Variants in PCCA observed in about 807,000 individuals in gnomAD.
PCCA encodes the protein propionyl-CoA carboxylase subunit alpha, also known as propionyl-CoA carboxylase alpha chain, mitochondrial.
In PCCA, 74 loss-of-function variants were observed where a neutral mutation model predicts 101.3. The ratio of observed to expected loss-of-function variants is 0.73; its 90% CI spans 0.61 to 0.89. The LOEUF (loss-of-function observed/expected upper bound fraction) is 0.89, where lower values mean the gene tolerates loss of function less well. PCCA is among the 40% of genes least tolerant of loss of function. The pLI, the probability that PCCA is intolerant of heterozygous loss-of-function variation, is 0.00. For missense variants in PCCA, 891 were observed against 907.0 expected (o/e 0.98, Z 0.23); for synonymous variants, 294 against 313.6 (o/e 0.94, Z 0.66).
intron 8 of PCCA, among the ~76,000 whole-genome samples, chr13:100,250,786 TTTAGGTTAAGGCCTTTTAGGC>T (rs1484430488): frequency 6.6e-6 from 1 of 152,258 alleles, no homozygotes; most frequent in Non-Finnish European, 1.5e-5. Flanking sequence ...ATTAATTTTG[TTTAGGTTAAGGCCTTTTAGGC>T]TTTAAAAAAG....
At chr13:100,090,467 G>A (rs951379973) in intron 1 of PCCA, among the ~76,000 whole-genome samples, 1 of 152,184 alleles carries the variant, frequency 6.6e-6, no homozygotes, top group South Asian at 2.1e-4. Context: ...GGGGTCAGGC[G>A]CATGAGGCTT....
chr13:100,498,673 A>G (rs9513760), intron 21 of PCCA, among the ~76,000 whole-genome samples: 71,178 of 151,644 alleles, frequency 0.47, 17,595 homozygotes, highest in East Asian at 0.83. Context: ...CACCTCCCCC[A>G]GCAACCCCTA....
At chr13:100,098,485 G>T (rs947135782) in intron 1 of PCCA, among the ~76,000 whole-genome samples, 1 of 152,186 alleles carries the variant, frequency 6.6e-6, no homozygotes, top group Non-Finnish European at 1.5e-5. Flanking sequence ...TTTGAATGCA[G>T]TGTTAGTCAG....
chr13:100,338,621 G>A (rs879287177), intron 17 of PCCA, among the ~76,000 whole-genome samples: 1 of 150,710 alleles, frequency 6.6e-6, no homozygotes, highest in Non-Finnish European at 1.5e-5. Flanking sequence ...CATATGGGAT[G>A]TTTTCATCAC....
chr13:100,428,343 C>T (rs1370832429), intron 20 of PCCA, among the ~76,000 whole-genome samples: 4 of 138,748 alleles, frequency 2.9e-5, no homozygotes, highest in East Asian at 2.2e-4. Context: ...ACCCCCCACC[C>T]CCACCCCCAC....
chr13:100,255,721 G>A (rs1214485322), intron 8 of PCCA, among the ~76,000 whole-genome samples: 1 of 152,062 alleles, frequency 6.6e-6, no homozygotes, highest in East Asian at 1.9e-4. Context: ...ATTATTTTAT[G>A]CTTGTTATTG....
intron 20 of PCCA, among the ~76,000 whole-genome samples, chr13:100,437,997 T>G (rs142143489): frequency 3.2e-4 from 49 of 152,254 alleles, no homozygotes; most frequent in African/African-American, 1.0e-3. Context: ...AGTAGTCATA[T>G]TAAAAAAGAT....
intron 6 of PCCA, among the ~76,000 whole-genome samples, chr13:100,205,254 A>T (rs1332743518): frequency 6.6e-6 from 1 of 152,318 alleles, no homozygotes; most frequent in South Asian, 2.1e-4. Flanking sequence ...CTGGTCAAGA[A>T]CTGAAAACAT....
At chr13:100,170,808 T>C (rs1230323122) in intron 6 of PCCA, among the ~76,000 whole-genome samples, 2 of 152,204 alleles carry the variant, frequency 1.3e-5, no homozygotes, top group Admixed American at 1.3e-4. Flanking sequence ...AGAAAATATA[T>C]TGGATGTAAA....
intron 21 of PCCA, among the ~76,000 whole-genome samples, chr13:100,458,294 TAC>T (rs57961819): frequency 0.064 from 5,527 of 85,882 alleles, 311 homozygotes; most frequent in East Asian, 0.11. Flanking sequence ...ACCCCATCTC[TAC>T]ACACACACAC....
intron 20 of PCCA, among the ~76,000 whole-genome samples, chr13:100,440,820 G>A (rs1246154191): frequency 3.3e-5 from 5 of 151,978 alleles, no homozygotes; most frequent in African/African-American, 7.3e-5. Flanking sequence ...GGTATTTTTC[G>A]AATGAAGTAG....
chr13:100,360,938 T>G (rs778073045), intron 18 of PCCA, among the ~76,000 whole-genome samples: 11 of 152,170 alleles, frequency 7.2e-5, no homozygotes, highest in Non-Finnish European at 1.5e-4. Flanking sequence ...AACTGGTATG[T>G]CCGTACAATG....
In PCCA at chr13:100,419,530, A is replaced by G. The variant is rs183621431; in HGVS notation, c.1747-6103A>G. On this transcript the variant is annotated intron_variant, in intron 19 of 23. Transcript: ENST00000376285. ...GAAGATTTGTGATTTTTCACAATAC[A>G]GTTTTAGTAGTCAGATTATAGAAGG... 2.0e-5 allele frequency among the ~76,000 whole-genome samples: 3 copies of G among 152,248 alleles called. No individual in the cohort carries two copies. The East Asian group carries it at 5.8e-4, about 29-fold the overall frequency.
At chr13:100,178,678 A>AATT (rs761201388) in intron 6 of PCCA, among the ~76,000 whole-genome samples, 2 of 152,142 alleles carry the variant, frequency 1.3e-5, no homozygotes, top group African/African-American at 4.8e-5. Flanking sequence ...GGAGATACAG[A>AATT]ATTACTGTTT....
chr13:100,530,184 A>G lies in PCCA; in HGVS notation c.*18A>G, dbSNP rs777116423. Reference sequence around the variant, plus strand: ...TGGAATGAAGGATTTATAACCTTTCAGTCATCACCCAATTTAATTAGCCAT... The same window carrying G: ...TGGAATGAAGGATTTATAACCTTTCGGTCATCACCCAATTTAATTAGCCAT... On this transcript the variant is annotated 3_prime_UTR_variant, in exon 24 of 24. Coordinates refer to ENST00000376285, the MANE Select transcript of PCCA (RefSeq NM_000282.4). 9.4e-6 allele frequency: 15 copies of G among 1,594,216 alleles called. No homozygotes were observed. In the South Asian group the frequency reaches 1.5e-4, roughly 16 times the overall value.
At chr13:100,469,071 C>G (rs1260267110) in intron 21 of PCCA, among the ~76,000 whole-genome samples, 1 of 151,734 alleles carries the variant, frequency 6.6e-6, no homozygotes, top group Non-Finnish European at 1.5e-5. Flanking sequence ...ACTAGCCGGA[C>G]GTGGTGGCAC....
intron 21 of PCCA, among the ~76,000 whole-genome samples, chr13:100,453,476 TTA>T (rs1491172294): frequency 7.3e-5 from 6 of 82,344 alleles, no homozygotes; most frequent in South Asian, 4.1e-4. Context: ...ACACTCTAGT[TTA>T]AAAAAAAAAA....
chr13:100,456,677 G>A (rs1204564220), intron 21 of PCCA, among the ~76,000 whole-genome samples: 2 of 152,178 alleles, frequency 1.3e-5, no homozygotes, highest in South Asian at 2.1e-4. Flanking sequence ...GGCAGCATAC[G>A]TCAGCGTTTT....
chr13:100,422,119 T>TTTTC (rs1237121901), intron 19 of PCCA, among the ~76,000 whole-genome samples: 13 of 82,162 alleles, frequency 1.6e-4, no homozygotes, highest in South Asian at 3.2e-4. Flanking sequence ...TCTTTCTTTC[T>TTTTC]TTTCTTTCTT....
Sources: gnomAD v4.1 joint callset for allele counts (sites outside exome capture counted in the v4.1 genomes callset) on GRCh38, gnomAD v4.1.1 for gene constraint, MANE v1.5 for transcripts, NCBI Gene and HGNC (gene_info 2026-07-23, HGNC 2026-07-21) for gene names.